HPS3: variants seen among roughly 807,000 people sequenced by gnomAD.
The protein encoded by HPS3 is HPS3 biogenesis of lysosomal organelles complex 2 subunit 1.
In HPS3, 79 loss-of-function variants were observed where a neutral mutation model predicts 110.9. That is an observed-to-expected ratio of 0.71 (90% CI 0.59 to 0.86). HPS3 has a LOEUF of 0.86. Among genes scored for constraint, HPS3 ranks in the 40% least tolerant of loss-of-function variants. The pLI, the probability that HPS3 is intolerant of heterozygous loss-of-function variation, is 0.00. For synonymous variants in HPS3, 428 were observed against 451.0 expected, an observed-to-expected ratio of 0.95 and a Z score of 0.65; for missense variants, 1,197 against 1,206.2, an observed-to-expected ratio of 0.99 and a Z score of 0.11.
intron 15 of HPS3, among the ~76,000 whole-genome samples, chr3:149,167,445 A>G (rs910354795): frequency 9.2e-6 from 1 of 108,428 alleles, no homozygotes; most frequent in African/African-American, 2.6e-5. Context: ...GTATATTATC[A>G]TCATTAAACA....
chr3:149,164,868 T>A (rs1724253474), intron 14 of HPS3, among the ~76,000 whole-genome samples: 1 of 152,168 alleles, frequency 6.6e-6, no homozygotes, highest in Non-Finnish European at 1.5e-5. Flanking sequence ...ATCTTCATCA[T>A]TTGATTGGCC....
intron 6 of HPS3, among the ~76,000 whole-genome samples, 170 bp from the exon 7 acceptor site, chr3:149,153,324 T>A (rs1723248303): frequency 6.6e-6 from 1 of 152,242 alleles, no homozygotes. Flanking sequence ...CCTCTTCTGT[T>A]AAGAATAGGA....
chr3:149,171,501 G>T (rs1724985271), intron 16 of HPS3, among the ~76,000 whole-genome samples: 1 of 152,080 alleles, frequency 6.6e-6, no homozygotes, highest in African/African-American at 2.4e-5. Context: ...TTCTTTAGAG[G>T]ATAGTAGAAA....
rs745431040 is a variant in HPS3, at chr3:149,141,110, G to T, written c.806G>T (p.Gly269Val). 3 of 1,613,110 alleles carry T rather than the reference G, an allele frequency of 1.9e-6. No homozygotes were observed. The highest frequency in any genetic ancestry group is 4.5e-5 in the East Asian group (2 of 44,836). Residue 269 changes from glycine (G) to valine (V), a missense_variant, in exon 3 of 17, where the codon GGA becomes GTA. Transcript: ENST00000296051. ...CTTGGTGAAAAAAGTGAACAGTCTG[G>T]ATTATCTGTTACACTGGAGTCTACG... ...ELLGEKSEQS[G>V]LSVTLESTGL... is the part of the protein sequence containing the mutation.
At chr3:149,156,196 C>T (rs930181168) in intron 8 of HPS3, among the ~76,000 whole-genome samples, 3 of 152,186 alleles carry the variant, frequency 2.0e-5, no homozygotes, top group African/African-American at 4.8e-5. Flanking sequence ...GATTCTTCTT[C>T]GGGAGGTAAA....
intron 12 of HPS3, 83 bp from the exon 13 acceptor site, chr3:149,162,607 G>A (rs1723984843): frequency 7.2e-7 from 1 of 1,387,570 alleles, no homozygotes; most frequent in African/African-American, 1.4e-5. Context: ...TGGCCCATGT[G>A]ATGCTGTGAT....
rs181222256 is a variant in HPS3 at position 149,136,134 on chromosome 3, T to C, written c.218-3870T>C. Among the ~76,000 whole-genome samples, 556 of 152,126 alleles carry C rather than the reference T, an allele frequency of 3.7e-3. 2 individuals carry two copies. Among genetic ancestry groups the C allele is most frequent in the Non-Finnish European group, 6.3e-3 (426 of 68,008 alleles). On this transcript the variant is annotated intron_variant, in intron 1 of 16. Coordinates refer to ENST00000296051, the MANE Select transcript of HPS3 (RefSeq NM_032383.5). Reference sequence around the variant, plus strand: ...AGACAGAAGCTGAGCCTGGGCTACATAGTGAAACCCTGTTTCTACATATGT... The same window carrying C: ...AGACAGAAGCTGAGCCTGGGCTACACAGTGAAACCCTGTTTCTACATATGT...
At chr3:149,142,772 G>A (rs972893568) in intron 4 of HPS3, among the ~76,000 whole-genome samples, 1 of 152,162 alleles carries the variant, frequency 6.6e-6, no homozygotes, top group Non-Finnish European at 1.5e-5. Context: ...TGTCTAGTGG[G>A]GGAAGGGAGA....
Position 149,160,280 on chromosome 3 carries a change from G to A in HPS3, c.2106+1G>A, listed in dbSNP as rs760787980. On this transcript the variant is annotated splice_donor_variant, in intron 11 of 16. Transcript: ENST00000296051. LOFTEE classifies it high-confidence loss of function. ...AAATGAAATGAAAAGCCATTCAGAG[G>A]TATGGAGCTCTGCCCGGTGCTAACA... 1.3e-6 allele frequency: 2 copies of A among 1,594,554 alleles called. No individual in the cohort carries two copies. Among genetic ancestry groups the A allele is most frequent in the Non-Finnish European group, 1.7e-6 (2 of 1,162,334 alleles).
In HPS3 at chr3:149,162,770, A is replaced by G; in HGVS notation, c.2373A>G (p.Pro791=). 2 of 1,613,950 alleles carry G rather than the reference A, an allele frequency of 1.2e-6. No individual in the cohort carries two copies. The highest frequency in any genetic ancestry group is 1.7e-6 in the Non-Finnish European group (2 of 1,179,856). Residue 791 remains proline (P), a synonymous_variant, in exon 13 of 17, where the codon CCA becomes CCG. Coordinates refer to ENST00000296051, the MANE Select transcript of HPS3 (RefSeq NM_032383.5). ...FWEAQLVACL[P]DVVLQELFFK... is the part of the protein sequence containing the mutation. ...AAGCTCAGCTAGTGGCATGTCTCCC[A>G]GATGTGGTACTTCAGGAACTCTTTT...
intron 13 of HPS3, 88 bp from the exon 14 acceptor site, chr3:149,163,754 G>A (rs1395805838): frequency 7.9e-6 from 6 of 759,440 alleles, no homozygotes; most frequent in Non-Finnish European, 1.4e-5. Context: ...ACATGGCAGA[G>A]AATTAATGAT....
chr3:149,146,321 C>T (rs529561300), intron 5 of HPS3, among the ~76,000 whole-genome samples: 7 of 152,018 alleles, frequency 4.6e-5, no homozygotes, highest in African/African-American at 1.2e-4. Flanking sequence ...AGGAGATTTG[C>T]GAAAAATGTC....
chr3:149,169,541 C>T (rs1016299381), intron 16 of HPS3, among the ~76,000 whole-genome samples: 1 of 152,178 alleles, frequency 6.6e-6, no homozygotes, highest in African/African-American at 2.4e-5. Context: ...TGTCCGTGTG[C>T]GTGGGGGTTT....
intron 7 of HPS3, among the ~76,000 whole-genome samples, chr3:149,154,648 G>A (rs1031955223): frequency 2.0e-5 from 3 of 152,212 alleles, no homozygotes; most frequent in African/African-American, 7.2e-5. Flanking sequence ...CAAGAGATAA[G>A]ATAGTGCTTT....
chr3:149,146,635 A>G (rs1328798752), intron 5 of HPS3, among the ~76,000 whole-genome samples: 1 of 152,196 alleles, frequency 6.6e-6, no homozygotes, highest in Non-Finnish European at 1.5e-5. Flanking sequence ...CATAGAACCA[A>G]TCTGGAGATT....
chr3:149,143,258 C>T (rs1722591666), intron 4 of HPS3, among the ~76,000 whole-genome samples: 2 of 152,212 alleles, frequency 1.3e-5, no homozygotes, highest in Admixed American at 6.5e-5. Flanking sequence ...GCCTTTCCCT[C>T]TTCCTTAGAG....
chr3:149,140,246 A>C lies in HPS3; in HGVS notation c.460A>C (p.Asn154His). The C allele has an allele frequency of 6.2e-7, 1 of 1,614,218 alleles. No homozygotes were observed. The highest frequency in any genetic ancestry group is 1.6e-4 in the Middle Eastern group (1 of 6,062). The stretch of plus-strand genomic sequence containing the variant: ...AGGAGACCTTCTCGTTGGCTGCACA[A>C]ATAAATTAGTCTTATTTAGTTTGAA... ...VKGDLLVGCT[N>H]KLVLFSLKYQ... Residue 154 changes from asparagine to histidine, a missense_variant, in exon 2 of 17, where the codon AAT (asparagine) becomes CAT (histidine). Asn to His is a moderately conservative substitution (Grantham distance 68). Transcript: ENST00000296051.
At chr3:149,168,598 T>C (rs1314643658) in intron 16 of HPS3, 1 of 152,266 alleles carries the variant, frequency 6.6e-6, no homozygotes, top group African/African-American at 2.4e-5. Context: ...AGTGTTGAAA[T>C]TGTGTTTTCC....
At chr3:149,141,252 G>A in intron 3 of HPS3, 43 bp from the exon 4 acceptor site, 2 of 1,592,200 alleles carry the variant, frequency 1.3e-6, no homozygotes, top group Non-Finnish European at 1.7e-6. Context: ...TAAAGTACAT[G>A]GAAGTTATAT....
Sources: allele counts gnomAD v4.1 joint callset (sites outside exome capture counted in the v4.1 genomes callset), GRCh38; gene constraint gnomAD v4.1.1; transcripts MANE v1.5; gene names NCBI Gene and HGNC (gene_info 2026-07-23, HGNC 2026-07-21).